Variants in PCLO observed in about 807,000 individuals in gnomAD.
The protein encoded by PCLO is protein piccolo.
In PCLO, 82 loss-of-function variants were observed where a neutral mutation model predicts 427.5. That is an observed-to-expected ratio of 0.19 (90% CI 0.16 to 0.23). PCLO has a LOEUF of 0.23. Among genes scored for constraint, PCLO ranks in the 10% least tolerant of loss-of-function variants. The pLI is 1.00. For synonymous variants in PCLO, 2,357 were observed against 2,155.4 expected, an observed-to-expected ratio of 1.09 and a Z score of -2.59; for missense variants, 6,239 against 6,115.9, an observed-to-expected ratio of 1.02 and a Z score of -0.67.
intron 6 of PCLO, among the ~76,000 whole-genome samples, chr7:82,936,004 G>C (rs763920044): frequency 2.6e-5 from 4 of 151,568 alleles, no homozygotes; most frequent in Admixed American, 6.6e-5. Context: ...CTATTCTCTA[G>C]CTTGGATACA....
At chr7:83,141,256 T>A (rs897656099) in intron 2 of PCLO, among the ~76,000 whole-genome samples, 1 of 135,488 alleles carries the variant, frequency 7.4e-6, no homozygotes, top group African/African-American at 2.5e-5. Flanking sequence ...TAGTTCCATG[T>A]GCACACATTA....
chr7:82,782,951 T>C (rs543544652), intron 22 of PCLO, among the ~76,000 whole-genome samples: 1 of 152,356 alleles, frequency 6.6e-6, no homozygotes, highest in African/African-American at 2.4e-5. Context: ...TTTGTCACGA[T>C]GTTTGTTCCA....
chr7:82,896,684 T>G (rs1793912152), intron 9 of PCLO, among the ~76,000 whole-genome samples: 1 of 77,230 alleles, frequency 1.3e-5, no homozygotes, highest in African/African-American at 5.0e-5. Flanking sequence ...ATAATAATAA[T>G]ATAAAGAGCT....
intron 20 of PCLO, among the ~76,000 whole-genome samples, chr7:82,818,457 T>C (rs915956955): frequency 1.1e-4 from 17 of 152,126 alleles, no homozygotes; most frequent in African/African-American, 4.1e-4. Flanking sequence ...CTTCCTTTTG[T>C]TGGGTTAAAT....
At position 82,998,355 on chromosome 7, in the gene PCLO, T is replaced by C. The variant is rs548291295; in HGVS notation, c.3301-31868A>G. Among the ~76,000 whole-genome samples the C allele has an allele frequency of 2.2e-4, 33 of 151,780 alleles. 1 individual carries two copies. In the South Asian group the frequency reaches 6.6e-3, roughly 31 times the overall value. On this transcript the variant is annotated intron_variant, in intron 3 of 24. Coordinates refer to ENST00000333891, the MANE Select transcript of PCLO (RefSeq NM_033026.6). ...AAGGTGCCAGGCTGAAATATGCCAG[T>C]GTACTCTGTTTCTCTCAACAAGGTC...
chr7:82,916,826 A>C lies in PCLO; in HGVS notation c.11160T>G (p.Val3720=). ...TMTSSGAQKK[V]KRTLPNPPPE... is the part of the protein sequence containing the mutation. ...GAGGTGGATTTGGCAGAGTTCTTTT[A>C]ACTTTTTTCTGGGCTCCAGAGGATG... The change falls in exon 7 of 25, where the codon GTT becomes GTG. Residue 3720 remains valine, a synonymous_variant. Transcript: ENST00000333891. 6.2e-7 allele frequency: 1 copy of C among 1,613,458 alleles called. No homozygotes were observed. Among genetic ancestry groups the C allele is most frequent in the African/African-American group, 1.3e-5 (1 of 75,004 alleles).
chr7:82,935,008 T>C (rs1056957000), intron 6 of PCLO, among the ~76,000 whole-genome samples: 1 of 151,094 alleles, frequency 6.6e-6, no homozygotes, highest in Admixed American at 6.6e-5. Flanking sequence ...TTACCAAATA[T>C]GCTTATGAGA....
At chr7:83,094,722 C>G (rs1243591616) in intron 3 of PCLO, among the ~76,000 whole-genome samples, 2 of 152,138 alleles carry the variant, frequency 1.3e-5, no homozygotes, top group African/African-American at 4.8e-5. Context: ...GTTGTATGAA[C>G]AGACATCTTC....
At position 82,915,167 on chromosome 7, in the gene PCLO, T is replaced by G; in HGVS notation, c.12819A>C (p.Ser4273=). 6.2e-7 allele frequency: 1 copy of G among 1,600,064 alleles called. No homozygotes were observed. The highest frequency in any genetic ancestry group is 8.5e-7 in the Non-Finnish European group (1 of 1,172,476). ...GLGTLGNTIR[S]ALQDEADKPY... is the part of the protein sequence containing the mutation. Reference sequence around the variant, plus strand: ...GCTTATCCGCTTCATCCTGCAGAGCTGAGCGTATGGTATTTCCTAATGTGC... The same window carrying G: ...GCTTATCCGCTTCATCCTGCAGAGCGGAGCGTATGGTATTTCCTAATGTGC... The change falls in exon 7 of 25, where the codon TCA becomes TCC. Residue 4273 remains serine (S), a synonymous_variant. Transcript: ENST00000333891.
At chr7:82,836,291 T>G (rs1792231916) in intron 15 of PCLO, among the ~76,000 whole-genome samples, 1 of 152,172 alleles carries the variant, frequency 6.6e-6, no homozygotes, top group East Asian at 1.9e-4. Context: ...TTGCAAATGC[T>G]TATTACAGAC....
chr7:83,042,588 C>T (rs962884825), intron 3 of PCLO, among the ~76,000 whole-genome samples: 1 of 151,944 alleles, frequency 6.6e-6, no homozygotes, highest in Non-Finnish European at 1.5e-5. Context: ...GGACTGGGCA[C>T]GGTGGCTCAA....
At chr7:82,800,752 C>A (rs975309763) in intron 22 of PCLO, among the ~76,000 whole-genome samples, 3 of 151,922 alleles carry the variant, frequency 2.0e-5, no homozygotes, top group Non-Finnish European at 4.4e-5. Flanking sequence ...CGTGCCACCA[C>A]GACTGTCTAA....
chr7:83,026,419 T>C (rs1048264090), intron 3 of PCLO, among the ~76,000 whole-genome samples: 62 of 152,214 alleles, frequency 4.1e-4, no homozygotes, highest in African/African-American at 1.4e-3. Flanking sequence ...CCTAAATATA[T>C]ATGCACCCAA....
rs1795302085 is a variant in PCLO, at chr7:82,950,169, T to C, written c.10419A>G (p.Gln3473=). ...ACTCATCCTGATCTTCATCATCAGT[T>C]TGGACGCTTGTATCCACACTCTTTT... is the stretch of plus-strand genomic sequence containing the variant. The part of the protein sequence containing the change: ...RTKKSVDTSV[Q]TDDEDQDEWD... Residue 3473 remains glutamine, a synonymous_variant, in exon 6 of 25, where the codon CAA becomes CAG. Coordinates refer to ENST00000333891, the MANE Select transcript of PCLO (RefSeq NM_033026.6). 1.2e-6 allele frequency: 2 copies of C among 1,611,008 alleles called. No individual in the cohort carries two copies. Among genetic ancestry groups the C allele is most frequent in the Non-Finnish European group, 8.5e-7 (1 of 1,179,408 alleles).
At chr7:82,974,093 C>T (rs1194097481) in intron 3 of PCLO, among the ~76,000 whole-genome samples, 2 of 151,998 alleles carry the variant, frequency 1.3e-5, no homozygotes, top group Non-Finnish European at 2.9e-5. Context: ...TTTTCTTTTA[C>T]AAGATATATA....
chr7:82,827,807 A>AATTATCACTGTT (rs1288859955), intron 17 of PCLO, 66 bp downstream of exon 17: 1 of 888,830 alleles, frequency 1.1e-6, no homozygotes, highest in African/African-American at 1.7e-5. Context: ...CCAATTTTTG[A>AATTATCACTGTT]ATAATTGTGT....
rs781056219 is a variant in PCLO at position 82,950,625 on chromosome 7, G to A, written c.9963C>T (p.Asp3321=). The A allele has an allele frequency of 1.9e-6, 3 of 1,613,798 alleles. No individual in the cohort carries two copies. The South Asian group carries it at 3.3e-5, about 18-fold the overall frequency. The part of the protein sequence containing the change: ...KIRQIYQYNY[D]PSGTASPQTT... ...TTTGTGGAGAAGCAGTTCCAGAAGGGTCATAGTTATACTGGTAGATCTGCC... is the reference window on the plus strand; with the variant it reads ...TTTGTGGAGAAGCAGTTCCAGAAGGATCATAGTTATACTGGTAGATCTGCC... The change falls in exon 6 of 25, where the codon GAC becomes GAT. Residue 3321 remains aspartate, a synonymous_variant. Coordinates refer to ENST00000333891, the MANE Select transcript of PCLO (RefSeq NM_033026.6).
intron 4 of PCLO, among the ~76,000 whole-genome samples, chr7:82,964,861 A>T (rs1448947152): frequency 6.6e-6 from 1 of 152,216 alleles, no homozygotes; most frequent in African/African-American, 2.4e-5. Flanking sequence ...GTTGGTAAGC[A>T]TGTGTTAAAA....
At chr7:82,977,303 A>T (rs1336222927) in intron 3 of PCLO, among the ~76,000 whole-genome samples, 1 of 151,490 alleles carries the variant, frequency 6.6e-6, no homozygotes, top group African/African-American at 2.4e-5. Flanking sequence ...ATTTTTGAAC[A>T]ATATATGAAT....
Sources: gnomAD v4.1 joint callset for allele counts (sites outside exome capture counted in the v4.1 genomes callset) on GRCh38, gnomAD v4.1.1 for gene constraint, MANE v1.5 for transcripts, NCBI Gene and HGNC (gene_info 2026-07-23, HGNC 2026-07-21) for gene names.